The following PAX5 variants were observed in gnomAD, a reference collection of about 807,000 sequenced individuals.
PAX5 encodes the protein paired box 5.
Under a neutral mutation model 43.7 loss-of-function variants are expected in PAX5, and 9 were observed. The ratio of observed to expected loss-of-function variants is 0.21; its 90% CI spans 0.12 to 0.36. The LOEUF (loss-of-function observed/expected upper bound fraction) is 0.36. Ranked by LOEUF, PAX5 falls within the 10% of genes least tolerant of loss-of-function variation. The probability of loss-of-function intolerance (pLI) is 1.00; values close to 1 mark genes in which losing one functional copy is unlikely to be tolerated. For missense variants in PAX5, 383 were observed against 532.7 expected (o/e 0.72, Z 2.77); for synonymous variants, 228 against 214.3 (o/e 1.06, Z -0.56).
At chr9:36,879,993 G>T (rs1826260289) in intron 8 of PAX5, among the ~76,000 whole-genome samples, 1 of 152,252 alleles carries the variant, frequency 6.6e-6, no homozygotes, top group Non-Finnish European at 1.5e-5. Flanking sequence ...CCCAGGACAA[G>T]AGTACACACG....
Position 36,838,801 on chromosome 9 carries a change from A to G in PAX5, c.*1759T>C, listed in dbSNP as rs564605818. The G allele has an allele frequency of 9.0e-5, 21 of 233,412 alleles. 1 individual carries two copies. In the South Asian group the frequency reaches 3.6e-3, roughly 40 times the overall value. The allele number at this position is 233,412 out of a possible 1,614,324, so 14.5% of individuals were successfully genotyped here. On this transcript the variant is annotated 3_prime_UTR_variant, in exon 10 of 10. Transcript: ENST00000358127. The stretch of plus-strand genomic sequence containing the variant: ...AAAGAGCTGTGGGGTGGCCCTACAG[A>G]TGACCCTGCTGCACCAAGGCAGCCA...
intron 6 of PAX5, among the ~76,000 whole-genome samples, chr9:36,952,628 T>C (rs904287435): frequency 3.3e-5 from 5 of 152,224 alleles, no homozygotes; most frequent in African/African-American, 9.6e-5. Flanking sequence ...CTGTTAGCAT[T>C]TCAATTATAT....
chr9:36,885,327 A>G (rs1826818409), intron 7 of PAX5, among the ~76,000 whole-genome samples: 1 of 152,166 alleles, frequency 6.6e-6, no homozygotes, highest in Non-Finnish European at 1.5e-5. Context: ...GAAGCATGTC[A>G]AGTCTGCCCA....
intron 7 of PAX5, among the ~76,000 whole-genome samples, chr9:36,914,930 A>C (rs13295375): frequency 0.15 from 22,539 of 152,282 alleles, 1,868 homozygotes; most frequent in Non-Finnish European, 0.18. Flanking sequence ...TTAAATACTT[A>C]ATATTTACTT....
chr9:36,912,258 G>A (rs933641324), intron 7 of PAX5, among the ~76,000 whole-genome samples: 6 of 152,208 alleles, frequency 3.9e-5, no homozygotes, highest in African/African-American at 1.2e-4. Flanking sequence ...ACCATTTATG[G>A]GGTGTTTACC....
chr9:36,857,647 T>C (rs765809394), intron 8 of PAX5, among the ~76,000 whole-genome samples: 4 of 152,230 alleles, frequency 2.6e-5, no homozygotes, highest in Non-Finnish European at 4.4e-5. Flanking sequence ...GGTACCGAAA[T>C]CTGTCCCATC....
intron 8 of PAX5, among the ~76,000 whole-genome samples, chr9:36,853,227 G>A (rs1823337727): frequency 6.6e-6 from 1 of 151,956 alleles, no homozygotes; most frequent in Admixed American, 6.6e-5. Flanking sequence ...TTGTTTACTA[G>A]TTTTTTCTTT....
chr9:36,842,097 G>A (rs1822113382), intron 9 of PAX5, among the ~76,000 whole-genome samples: 2 of 152,166 alleles, frequency 1.3e-5, no homozygotes, highest in African/African-American at 4.8e-5. Flanking sequence ...TGCTGTTCCA[G>A]ACAGCACAAA....
intron 7 of PAX5, among the ~76,000 whole-genome samples, chr9:36,902,576 C>T (rs1191596110): frequency 6.6e-6 from 1 of 152,222 alleles, no homozygotes; most frequent in Non-Finnish European, 1.5e-5. Flanking sequence ...TTAGAGAGGC[C>T]CTGAAGCCCA....
At chr9:36,858,545 A>G (rs1004057855) in intron 8 of PAX5, among the ~76,000 whole-genome samples, 6 of 152,212 alleles carry the variant, frequency 3.9e-5, no homozygotes, top group Admixed American at 3.3e-4. Context: ...AAAATTATGA[A>G]TCCAATCCCA....
chr9:36,877,752 A>G (rs1486146823), intron 8 of PAX5, among the ~76,000 whole-genome samples: 3 of 151,962 alleles, frequency 2.0e-5, no homozygotes, highest in East Asian at 1.9e-4. Flanking sequence ...TCCATGCCCT[A>G]CTCCCTGGAG....
chr9:36,970,757 A>G (rs955797359), intron 5 of PAX5, among the ~76,000 whole-genome samples: 3 of 152,126 alleles, frequency 2.0e-5, no homozygotes, highest in African/African-American at 7.2e-5. Context: ...CCAGAAGCAC[A>G]CATGTCTCCT....
intron 8 of PAX5, among the ~76,000 whole-genome samples, chr9:36,850,698 G>A (rs989877503): frequency 4.6e-5 from 7 of 152,138 alleles, no homozygotes; most frequent in African/African-American, 1.4e-4. Flanking sequence ...AGCTTACATC[G>A]GAGTGGCTGT....
rs1458631582 is a variant in PAX5, at chr9:36,837,606, G to A, written c.*2954C>T. On this transcript the variant is annotated 3_prime_UTR_variant, in exon 10 of 10. Coordinates refer to ENST00000358127, the MANE Select transcript of PAX5 (RefSeq NM_016734.3). ...CCTCACCAAGCTCCCAGGCAGCTCC[G>A]CTGGACCACGAGGTGCTGTGAATTG... is the stretch of plus-strand genomic sequence containing the variant. The A allele has an allele frequency of 6.4e-5, 15 of 233,182 alleles. No homozygotes were observed. Among genetic ancestry groups the A allele is most frequent in the Admixed American group, 6.2e-4 (11 of 17,788 alleles). The allele number at this position is 233,182 out of a possible 1,614,324, so 14.4% of individuals were successfully genotyped here. A position where few individuals can be genotyped will look rare whatever the true frequency, so the allele number is the denominator to read the frequency against.
At chr9:36,952,441 T>G (rs1177873261) in intron 6 of PAX5, among the ~76,000 whole-genome samples, 1 of 152,040 alleles carries the variant, frequency 6.6e-6, no homozygotes, top group African/African-American at 2.4e-5. Flanking sequence ...GGTTTCAATA[T>G]GTTCAATGGT....
At chr9:36,938,968 C>G (rs1831797131) in intron 6 of PAX5, among the ~76,000 whole-genome samples, 3 of 152,202 alleles carry the variant, frequency 2.0e-5, no homozygotes, top group African/African-American at 7.2e-5. Flanking sequence ...AGCGGATGAT[C>G]CATATATCAG....
At chr9:36,993,838 C>A (rs952704722) in intron 5 of PAX5, among the ~76,000 whole-genome samples, 2 of 152,174 alleles carry the variant, frequency 1.3e-5, no homozygotes, top group Admixed American at 6.5e-5. Flanking sequence ...AAACTGATTC[C>A]CTGAACTGAG....
chr9:36,880,008 C>G (rs1318787316), intron 8 of PAX5, among the ~76,000 whole-genome samples: 1 of 152,236 alleles, frequency 6.6e-6, no homozygotes, highest in Non-Finnish European at 1.5e-5. Flanking sequence ...CACACGGAGG[C>G]CGTTTCCCAT....
Position 37,015,580 on chromosome 9 carries a change from T to A in PAX5, c.213-386A>T, listed in dbSNP as rs1588234434. On this transcript the variant is annotated intron_variant, in intron 2 of 9. Coordinates refer to ENST00000358127, the MANE Select transcript of PAX5 (RefSeq NM_016734.3). This position sits in a 1 kb window ranked among gnomAD's most constrained non-coding sequence, Gnocchi z 4.4. Reference sequence around the variant, plus strand: ...AATTGCATACACAGCTCTCATAGTATTTCTTTTTTTTTTTTTCAGACGGAG... The same window carrying A: ...AATTGCATACACAGCTCTCATAGTAATTCTTTTTTTTTTTTTCAGACGGAG... Among the ~76,000 whole-genome samples, 1 of 151,976 alleles carries A rather than the reference T, an allele frequency of 6.6e-6. No homozygotes were observed. The highest frequency in any genetic ancestry group is 1.9e-4 in the East Asian group (1 of 5,184).
Sources: gnomAD v4.1 joint callset for allele counts (sites outside exome capture counted in the v4.1 genomes callset) on GRCh38, gnomAD v4.1.1 for gene constraint, Gnocchi (gnomAD v3.1) non-coding constraint, MANE v1.5 for transcripts, NCBI Gene and HGNC (gene_info 2026-07-23, HGNC 2026-07-21) for gene names.